DUSP12: variants seen among roughly 807,000 people sequenced by gnomAD.
DUSP12 encodes dual specificity protein phosphatase 12.
Under a neutral mutation model 38.9 loss-of-function variants are expected in DUSP12, and 25 were observed. That is an observed-to-expected ratio of 0.64 (90% CI 0.47 to 0.90). The LOEUF (loss-of-function observed/expected upper bound fraction) is 0.90. DUSP12 is among the 40% of genes least tolerant of loss of function. DUSP12 has a pLI of 0.00. For missense variants in DUSP12, 403 were observed against 427.0 expected, an observed-to-expected ratio of 0.94 and a Z score of 0.50; for synonymous variants, 153 against 153.9, an observed-to-expected ratio of 0.99 and a Z score of 0.05.
chr1:161,756,246 CAT>C (rs1684106332), intron 5 of DUSP12, among the ~76,000 whole-genome samples: 1 of 152,056 alleles, frequency 6.6e-6, no homozygotes, highest in Non-Finnish European at 1.5e-5. Context: ...AAGAGCTAAA[CAT>C]AAAAATTAAT....
At chr1:161,755,194 T>G (rs186665463) in intron 5 of DUSP12, among the ~76,000 whole-genome samples, 40 of 152,328 alleles carry the variant, frequency 2.6e-4, no homozygotes, top group African/African-American at 9.6e-4. Flanking sequence ...TGGTATCTAA[T>G]TTATCAGTTT....
chr1:161,754,654 A>T (rs1684083426), intron 5 of DUSP12, among the ~76,000 whole-genome samples: 1 of 152,356 alleles, frequency 6.6e-6, no homozygotes, highest in Non-Finnish European at 1.5e-5. Flanking sequence ...TCAAACACTT[A>T]TAAAACCATC....
rs113268423 is a variant in DUSP12, at chr1:161,752,969, G to A, written c.675-106G>A. On this transcript the variant is annotated intron_variant, in intron 4 of 5. Coordinates refer to ENST00000367943, the MANE Select transcript of DUSP12 (RefSeq NM_007240.3). ...CACGCCACTGCACTCTAGCATGGGC[G>A]ACAGAGTGAGACTCTGTCTCAAAAA... 5.1e-5 allele frequency: 61 copies of A among 1,189,556 alleles called. 1 individual carries two copies. In the African/African-American group the frequency reaches 6.7e-4, roughly 13 times the overall value. The allele number at this position is 1,189,556 out of a possible 1,614,324, so 73.7% of individuals were successfully genotyped here. A position where few individuals can be genotyped will look rare whatever the true frequency, so the allele number is the denominator to read the frequency against.
intron 1 of DUSP12, 82 bp from the exon 2 acceptor site, chr1:161,751,586 T>C: frequency 6.6e-7 from 1 of 1,525,810 alleles, no homozygotes. Flanking sequence ...TAAACTTTAC[T>C]ATTAATAGGG....
chr1:161,749,788 C>G lies in DUSP12; in HGVS notation c.-14C>G, dbSNP rs746240714. On this transcript the variant is annotated 5_prime_UTR_variant, in exon 1 of 6. Coordinates refer to ENST00000367943, the MANE Select transcript of DUSP12 (RefSeq NM_007240.3). ...ATGGTAGGGCAGGAAGCCGCCTTGTCTCTGGGCGCGGCCATGTTGGAGGCT... is the reference window on the plus strand; with the variant it reads ...ATGGTAGGGCAGGAAGCCGCCTTGTGTCTGGGCGCGGCCATGTTGGAGGCT... The G allele has an allele frequency of 2.1e-5, 32 of 1,557,694 alleles. No homozygotes were observed. The highest frequency in any genetic ancestry group is 2.8e-5 in the Non-Finnish European group (32 of 1,153,174).
At position 161,749,957 on chromosome 1, in the gene DUSP12, C is replaced by T; in HGVS notation, c.156C>T (p.Gly52=). 1 of 1,614,004 alleles carries T rather than the reference C, an allele frequency of 6.2e-7. No individual in the cohort carries two copies. The highest frequency in any genetic ancestry group is 1.1e-5 in the South Asian group (1 of 91,080). ...AGCCAGATCACCTGAGGGAAGCGGG[C>T]ATCACGGCCGTGCTAACAGTGGACT... ...VAEPDHLREA[G]ITAVLTVDSE... Residue 52 remains glycine (G), a synonymous_variant, in exon 1 of 6, where the codon GGC becomes GGT. Transcript: ENST00000367943.
At chr1:161,751,612 G>GTT (rs762979946) in intron 1 of DUSP12, 56 bp from the exon 2 acceptor site, 40 of 1,213,356 alleles carry the variant, frequency 3.3e-5, no homozygotes, top group African/African-American at 2.5e-4. Flanking sequence ...GGCTTTGTGT[G>GTT]TTTTTTTTTT....
In DUSP12 at chr1:161,750,008, G is replaced by A. The variant is rs773946443; in HGVS notation, c.207G>A (p.Gly69=). The change falls in exon 1 of 6, where the codon GGG becomes GGA. Residue 69 remains glycine (G), a synonymous_variant. Coordinates refer to ENST00000367943, the MANE Select transcript of DUSP12 (RefSeq NM_007240.3). ...VDSEEPSFKA[G]PGVEDLWRLF... is the part of the protein sequence containing the mutation. ...CGGAGGAGCCCAGCTTCAAGGCGGG[G>A]CCTGGGGTCGAGGATCTATGGCGCC... The A allele has an allele frequency of 1.2e-6, 2 of 1,614,046 alleles. No homozygotes were observed. Among genetic ancestry groups the A allele is most frequent in the Admixed American group, 1.7e-5 (1 of 60,030 alleles).
intron 5 of DUSP12, 134 bp downstream of exon 5, chr1:161,753,395 T>C (rs1684058405): frequency 2.7e-6 from 2 of 748,852 alleles, no homozygotes; most frequent in Non-Finnish European, 3.9e-6. Flanking sequence ...TATATCTTTC[T>C]AGTGTAGATA....
chr1:161,750,216 C>T, intron 1 of DUSP12, 71 bp downstream of exon 1: 1 of 1,517,442 alleles, frequency 6.6e-7, no homozygotes, highest in South Asian at 1.2e-5. Context: ...CCTTACCTTC[C>T]GAGGCCGTCG....
chr1:161,752,507 T>A, intron 4 of DUSP12, 43 bp downstream of exon 4: 1 of 1,333,674 alleles, frequency 7.5e-7, no homozygotes, highest in Non-Finnish European at 1.1e-6. Context: ...CTTGTCTCAG[T>A]AGCTGAAAAG....
chr1:161,757,204 G>T lies in DUSP12; in HGVS notation c.*257G>T. ...TATATTTTTAAAAGTTTTGATTGTT[G>T]GAATGTTATATGATCTTAAGGTCTG... On this transcript the variant is annotated 3_prime_UTR_variant, in exon 6 of 6. Coordinates refer to ENST00000367943, the MANE Select transcript of DUSP12 (RefSeq NM_007240.3). The T allele has an allele frequency of 3.5e-6, 1 of 281,902 alleles. No homozygotes were observed. The highest frequency in any genetic ancestry group is 6.7e-6 in the Non-Finnish European group (1 of 149,346). 17.5% of individuals were successfully genotyped at this position (281,902 alleles called of 1,614,324 possible).
At chr1:161,754,875 G>C (rs938841394) in intron 5 of DUSP12, among the ~76,000 whole-genome samples, 1 of 152,094 alleles carries the variant, frequency 6.6e-6, no homozygotes, top group African/African-American at 2.4e-5. Context: ...TTGTTGCCCA[G>C]GCTGGAGTAC....
chr1:161,752,554 G>A, intron 4 of DUSP12, 90 bp downstream of exon 4: 1 of 911,070 alleles, frequency 1.1e-6, no homozygotes, highest in Non-Finnish European at 1.7e-6. Flanking sequence ...TCTGTAGGAA[G>A]ATTTTGTTTA....
chr1:161,752,424 G>T lies in DUSP12; in HGVS notation c.634G>T (p.Gly212Ter). 1 of 1,612,848 alleles carries T rather than the reference G, an allele frequency of 6.2e-7. No homozygotes were observed. The highest frequency in any genetic ancestry group is 8.5e-7 in the Non-Finnish European group (1 of 1,179,172). Residue 212 changes from glycine to a stop codon, truncating the protein, a stop_gained, in exon 4 of 6, where the codon GGA becomes TGA. Transcript: ENST00000367943. LOFTEE classifies it high-confidence loss of function. ...FAVDPTTVSQ[G>*]LKDEVLYKCR... ...TGTTGACCCAACTACCGTTTCACAA[G>T]GATTGAAAGATGAGGTTCTCTACAA...
chr1:161,750,336 C>A (rs1038799208), intron 1 of DUSP12, among the ~76,000 whole-genome samples, 191 bp downstream of exon 1: 1 of 152,232 alleles, frequency 6.6e-6, no homozygotes, highest in Non-Finnish European at 1.5e-5. Flanking sequence ...TGTGTGCAGG[C>A]TTTCATTCAT....
chr1:161,751,632 C>G (rs1381869506), intron 1 of DUSP12, 36 bp from the exon 2 acceptor site: 1 of 1,562,752 alleles, frequency 6.4e-7, no homozygotes, highest in Admixed American at 2.1e-5. Context: ...TTAATTGTTG[C>G]TATTTGCTGT....
At chr1:161,752,815 C>T (rs1684046228) in intron 4 of DUSP12, among the ~76,000 whole-genome samples, 1 of 151,940 alleles carries the variant, frequency 6.6e-6, no homozygotes, top group Non-Finnish European at 1.5e-5. Flanking sequence ...CATGGTGAAA[C>T]CCCGTCTCTA....
At chr1:161,754,862 C>T (rs1181521778) in intron 5 of DUSP12, among the ~76,000 whole-genome samples, 1 of 152,118 alleles carries the variant, frequency 6.6e-6, no homozygotes, top group East Asian at 1.9e-4. Context: ...CGGAGTTTCA[C>T]TCTTGTTGCC....
Sources: gnomAD v4.1 joint callset for allele counts (sites outside exome capture counted in the v4.1 genomes callset) on GRCh38, gnomAD v4.1.1 for gene constraint, MANE v1.5 for transcripts, NCBI Gene and HGNC (gene_info 2026-07-23, HGNC 2026-07-21) for gene names.